PRKN: variants seen among roughly 807,000 people sequenced by gnomAD.
The protein encoded by PRKN is E3 ubiquitin-protein ligase parkin.
In PRKN, 56 loss-of-function variants were observed where a neutral mutation model predicts 59.5. The observed-to-expected ratio is 0.94, with a 90% CI of 0.76 to 1.18. PRKN has a LOEUF of 1.18. Among genes scored for constraint, PRKN ranks in the 50% most tolerant of loss-of-function variants. PRKN has a pLI of 0.00. For missense variants in PRKN, 657 were observed against 596.4 expected, an observed-to-expected ratio of 1.10 and a Z score of -1.06; for synonymous variants, 250 against 222.1, an observed-to-expected ratio of 1.13 and a Z score of -1.12.
chr6:161,666,028 C>G (rs982926704), intron 7 of PRKN, among the ~76,000 whole-genome samples: 1 of 152,202 alleles, frequency 6.6e-6, no homozygotes, highest in African/African-American at 2.4e-5. Context: ...CGCCTGGATT[C>G]CATCCCAGCT....
chr6:162,074,060 G>T (rs1778706954), intron 4 of PRKN, among the ~76,000 whole-genome samples: 1 of 147,334 alleles, frequency 6.8e-6, no homozygotes, highest in Non-Finnish European at 1.5e-5. Flanking sequence ...AACCATTGTG[G>T]AAGTCAGTGT....
At chr6:161,759,916 A>G (rs35179957) in intron 7 of PRKN, among the ~76,000 whole-genome samples, 230 of 152,268 alleles carry the variant, frequency 1.5e-3, no homozygotes, top group African/African-American at 5.4e-3. Flanking sequence ...CTGAGGTAAA[A>G]GAAGCTTTGT....
chr6:161,482,563 T>G (rs1791453517), intron 9 of PRKN, among the ~76,000 whole-genome samples: 3 of 152,210 alleles, frequency 2.0e-5, no homozygotes, highest in Admixed American at 2.0e-4. Context: ...CTACATAATT[T>G]GGAATGTTTT....
In PRKN at chr6:161,572,901, T is replaced by C. The variant is rs908288843; in HGVS notation, c.872-3485A>G. ...GCTATTCTGATGATTACCTAAACAA[T>C]AGTAAAAATATATTCTGGATCATTT... is the stretch of plus-strand genomic sequence containing the variant. On this transcript the variant is annotated intron_variant, in intron 7 of 11. Transcript: ENST00000366898. Among the ~76,000 whole-genome samples, 227 of 152,242 alleles carry C rather than the reference T, an allele frequency of 1.5e-3. 1 individual carries two copies. The highest frequency in any genetic ancestry group is 5.1e-3 in the African/African-American group (212 of 41,540).
intron 7 of PRKN, among the ~76,000 whole-genome samples, chr6:161,735,221 C>T (rs1249589360): frequency 6.6e-6 from 1 of 151,934 alleles, no homozygotes; most frequent in East Asian, 1.9e-4. Context: ...ACACACAAGT[C>T]CCCCTCATGT....
rs1790310473 is a variant in PRKN, at chr6:161,463,467, T to C, written c.1084-76590A>G. On this transcript the variant is annotated intron_variant, in intron 9 of 11. Coordinates refer to ENST00000366898, the MANE Select transcript of PRKN (RefSeq NM_004562.3). The surrounding 1 kb of genome is among the most constrained non-coding windows in gnomAD (Gnocchi z 4.8). ...TGCCCCTCCTTGATTTTGGACAGGA[T>C]GCATTTGGGATCTGGCAGCACTTTT... 2.6e-5 allele frequency among the ~76,000 whole-genome samples: 4 copies of C among 152,194 alleles called. No homozygotes were observed.
chr6:162,178,964 T>C (rs1426922744), intron 4 of PRKN, among the ~76,000 whole-genome samples: 1 of 152,158 alleles, frequency 6.6e-6, no homozygotes. Flanking sequence ...CTCAAACTCC[T>C]GGCCTCGAGC....
chr6:162,304,507 CTATCTATCTATCTATCTATCTA>C (rs1472045042), intron 2 of PRKN, among the ~76,000 whole-genome samples: 3 of 131,506 alleles, frequency 2.3e-5, no homozygotes, highest in Non-Finnish European at 3.2e-5. Flanking sequence ...ATCTATCTAT[CTATCTATCTATCTATCTATCTA>C]TCTATCTATC....
intron 6 of PRKN, among the ~76,000 whole-genome samples, chr6:161,867,232 A>T (rs2128225910): frequency 6.6e-6 from 1 of 152,240 alleles, no homozygotes; most frequent in South Asian, 2.1e-4. Flanking sequence ...TTTTCTGTAA[A>T]ACATGTAGAA....
At chr6:161,504,178 T>A (rs1164294592) in intron 9 of PRKN, among the ~76,000 whole-genome samples, 2 of 152,070 alleles carry the variant, frequency 1.3e-5, no homozygotes, top group Non-Finnish European at 2.9e-5. Context: ...TCCCAAAGGG[T>A]CTCCAAGGCT....
At chr6:162,014,912 T>C (rs1782878002) in intron 5 of PRKN, among the ~76,000 whole-genome samples, 2 of 152,150 alleles carry the variant, frequency 1.3e-5, no homozygotes, top group African/African-American at 4.8e-5. Context: ...TATTGAATGG[T>C]TGTACTCTCC....
chr6:161,845,149 A>G (rs1793148443), intron 6 of PRKN, among the ~76,000 whole-genome samples: 1 of 152,176 alleles, frequency 6.6e-6, no homozygotes, highest in Admixed American at 6.5e-5. Context: ...AAACATTTAA[A>G]GTGGGATTGT....
At chr6:162,447,814 C>T (rs574800786) in intron 1 of PRKN, among the ~76,000 whole-genome samples, 16 of 152,214 alleles carry the variant, frequency 1.1e-4, no homozygotes, top group African/African-American at 3.9e-4. Context: ...TCAGCACAGC[C>T]CCATCCTCCT....
chr6:161,810,647 A>G (rs1791522169), intron 6 of PRKN, among the ~76,000 whole-genome samples: 1 of 152,214 alleles, frequency 6.6e-6, no homozygotes, highest in Admixed American at 6.5e-5. Context: ...TACTTATGTA[A>G]CAGTCATTCA....
intron 2 of PRKN, among the ~76,000 whole-genome samples, chr6:162,383,992 GAGTT>G (rs950880269): frequency 2.0e-5 from 3 of 152,276 alleles, no homozygotes; most frequent in African/African-American, 7.2e-5. Context: ...ATATTAAAAA[GAGTT>G]AGACCCTTGT....
Position 161,471,211 on chromosome 6 carries a change from A to T in PRKN, c.1083+77643T>A, listed in dbSNP as rs1280559661. 1.3e-5 allele frequency among the ~76,000 whole-genome samples: 2 copies of T among 152,164 alleles called. No individual in the cohort carries two copies. The highest frequency in any genetic ancestry group is 2.9e-5 in the Non-Finnish European group (2 of 68,032). Reference sequence around the variant, plus strand: ...AGGCCAGGTAATGAATAGAGTGAAAAATGTACATTAGAAAAATGCTCTTTC... The same window carrying T: ...AGGCCAGGTAATGAATAGAGTGAAATATGTACATTAGAAAAATGCTCTTTC... On this transcript the variant is annotated intron_variant, in intron 9 of 11. Coordinates refer to ENST00000366898, the MANE Select transcript of PRKN (RefSeq NM_004562.3). The surrounding 1 kb of genome is among the most constrained non-coding windows in gnomAD (Gnocchi z 4.5).
At chr6:162,528,072 GGGGCGGGAGGGGT>G (rs1460180580) in intron 1 of PRKN, among the ~76,000 whole-genome samples, 2 of 65,224 alleles carry the variant, frequency 3.1e-5, no homozygotes, top group Non-Finnish European at 9.4e-5. Flanking sequence ...GGAGGGCGGG[GGGGCGGGAGGGGT>G]GCGGGGCGGC....
At position 162,654,463 on chromosome 6, in the gene PRKN, T is replaced by A. The variant is rs142584170; in HGVS notation, c.7+73199A>T. ...GGAGCCCGAGTTCCCAACCACGATT[T>A]GTGCCACACACATTCAACTGGCATT... is the stretch of plus-strand genomic sequence containing the variant. On this transcript the variant is annotated intron_variant, in intron 1 of 11. Coordinates refer to ENST00000366898, the MANE Select transcript of PRKN (RefSeq NM_004562.3). Among the ~76,000 whole-genome samples, 16 of 152,340 alleles carry A rather than the reference T, an allele frequency of 1.1e-4. 1 individual carries two copies. In the East Asian group the frequency reaches 3.1e-3, roughly 29 times the overall value.
intron 7 of PRKN, among the ~76,000 whole-genome samples, chr6:161,650,221 G>T (rs1228097241): frequency 6.6e-6 from 1 of 152,180 alleles, no homozygotes; most frequent in Non-Finnish European, 1.5e-5. Flanking sequence ...GTTTATGTCA[G>T]CTGTGGTATA....
Sources: gnomAD v4.1 joint callset for allele counts (sites outside exome capture counted in the v4.1 genomes callset) on GRCh38, gnomAD v4.1.1 for gene constraint, Gnocchi (gnomAD v3.1) non-coding constraint, MANE v1.5 for transcripts, NCBI Gene and HGNC (gene_info 2026-07-23, HGNC 2026-07-21) for gene names.